The following CCDC60 variants were observed in gnomAD, a reference collection of about 807,000 sequenced individuals.
CCDC60 encodes the protein coiled-coil domain containing 60.
A neutral mutation model predicts 63.5 loss-of-function variants in CCDC60; 54 were observed. The observed-to-expected ratio is 0.85, with a 90% confidence interval of 0.68 to 1.07. CCDC60 has a LOEUF of 1.07. Among genes scored for constraint, CCDC60 ranks in the 50% least tolerant of loss-of-function variants. The pLI is 0.00. For missense variants in CCDC60, 651 were observed against 684.3 expected (o/e 0.95, Z 0.54); for synonymous variants, 206 against 238.8 (o/e 0.86, Z 1.27).
Position 119,343,499 on chromosome 12 carries a change from G to A in CCDC60, c.90+8233G>A, listed in dbSNP as rs181937431. On this transcript the variant is annotated intron_variant, in intron 1 of 13. Coordinates refer to ENST00000327554, the MANE Select transcript of CCDC60 (RefSeq NM_178499.5). ...GTACATGATCAGGGTCATCTTTTGA[G>A]GTATATATTGAGCACCTACCATGTG... Among the ~76,000 whole-genome samples, 131 of 151,968 alleles carry A rather than the reference G, an allele frequency of 8.6e-4. 1 individual carries two copies. The highest frequency in any genetic ancestry group is 3.1e-3 in the African/African-American group (128 of 41,426).
At chr12:119,375,254 A>G (rs1450074950) in intron 1 of CCDC60, among the ~76,000 whole-genome samples, 2 of 152,212 alleles carry the variant, frequency 1.3e-5, no homozygotes, top group Non-Finnish European at 2.9e-5. Flanking sequence ...ATGTTTAACA[A>G]CCAGCTTTCT....
chr12:119,493,570 T>C (rs1252663645), intron 5 of CCDC60, among the ~76,000 whole-genome samples: 9 of 152,294 alleles, frequency 5.9e-5, no homozygotes, highest in African/African-American at 2.2e-4. Flanking sequence ...AATTTCATCA[T>C]GTGGCAATTT....
chr12:119,504,323 G>A (rs1180219444), intron 6 of CCDC60, among the ~76,000 whole-genome samples: 3 of 152,016 alleles, frequency 2.0e-5, no homozygotes, highest in Admixed American at 2.0e-4. Context: ...TCACAGGAAG[G>A]TACACACAGA....
At chr12:119,383,179 C>T (rs888656489) in intron 1 of CCDC60, among the ~76,000 whole-genome samples, 15 of 152,146 alleles carry the variant, frequency 9.9e-5, no homozygotes, top group Admixed American at 5.2e-4. Context: ...GAAGCCAAGG[C>T]GGGAGAATTA....
At chr12:119,503,681 C>A (rs1447766910) in intron 6 of CCDC60, among the ~76,000 whole-genome samples, 1 of 152,174 alleles carries the variant, frequency 6.6e-6, no homozygotes, top group East Asian at 1.9e-4. Context: ...ACCAAGAAAT[C>A]CCTCCCCTCT....
chr12:119,442,216 G>A (rs920580337), intron 2 of CCDC60, among the ~76,000 whole-genome samples: 13 of 152,130 alleles, frequency 8.5e-5, no homozygotes, highest in African/African-American at 2.2e-4. Context: ...AAAAGATTAT[G>A]AGCATCTTTC....
intron 1 of CCDC60, among the ~76,000 whole-genome samples, chr12:119,396,095 G>A (rs894496003): frequency 4.0e-5 from 6 of 151,792 alleles, no homozygotes; most frequent in African/African-American, 1.2e-4. Flanking sequence ...CCACCACCTC[G>A]CCTGGCTAAT....
rs1952579305 is a variant in CCDC60 at position 119,523,286 on chromosome 12, G to A, written c.1103+285G>A. Reference sequence around the variant, plus strand: ...CAAAACCAATCCTATGAGGCAGGAGGACTAACCCATCTTACAAAGGAGCAG... The same window carrying A: ...CAAAACCAATCCTATGAGGCAGGAGAACTAACCCATCTTACAAAGGAGCAG... On this transcript the variant is annotated intron_variant, in intron 10 of 13. Transcript: ENST00000327554. 2.0e-5 allele frequency among the ~76,000 whole-genome samples: 3 copies of A among 152,182 alleles called. No individual in the cohort carries two copies. The South Asian group carries it at 6.2e-4, about 32-fold the overall frequency.
intron 1 of CCDC60, among the ~76,000 whole-genome samples, chr12:119,380,505 C>A (rs1955997270): frequency 6.6e-6 from 1 of 152,202 alleles, no homozygotes; most frequent in Non-Finnish European, 1.5e-5. Context: ...GATTTTAGGT[C>A]TTCTCTTACC....
At chr12:119,365,054 G>T (rs1030576065) in intron 1 of CCDC60, among the ~76,000 whole-genome samples, 2 of 152,188 alleles carry the variant, frequency 1.3e-5, no homozygotes, top group South Asian at 2.1e-4. Flanking sequence ...TAAAAATATT[G>T]TTCCATTTAA....
intron 6 of CCDC60, among the ~76,000 whole-genome samples, chr12:119,501,472 T>C (rs948385348): frequency 6.6e-6 from 1 of 152,228 alleles, no homozygotes; most frequent in African/African-American, 2.4e-5. Context: ...TTATTAAACA[T>C]AGTTTATTAA....
At chr12:119,396,077 A>C (rs1398719307) in intron 1 of CCDC60, among the ~76,000 whole-genome samples, 1 of 151,866 alleles carries the variant, frequency 6.6e-6, no homozygotes, top group African/African-American at 2.4e-5. Flanking sequence ...AGCTGGGATT[A>C]CAGGCGCCCA....
intron 2 of CCDC60, among the ~76,000 whole-genome samples, chr12:119,433,106 T>C (rs80247782): frequency 6.6e-6 from 1 of 152,144 alleles, no homozygotes; most frequent in Non-Finnish European, 1.5e-5. Flanking sequence ...GTGACAATAT[T>C]TGCACCGTGG....
At chr12:119,430,135 A>C (rs1950198176) in intron 2 of CCDC60, among the ~76,000 whole-genome samples, 2 of 151,946 alleles carry the variant, frequency 1.3e-5, no homozygotes, top group South Asian at 4.2e-4. Flanking sequence ...TCAAGTGCCC[A>C]GTAATTGTCA....
intron 2 of CCDC60, among the ~76,000 whole-genome samples, chr12:119,459,612 C>G (rs1475137638): frequency 6.6e-6 from 1 of 152,200 alleles, no homozygotes; most frequent in African/African-American, 2.4e-5. Flanking sequence ...GATAACAACT[C>G]TATTGTAAAA....
intron 1 of CCDC60, among the ~76,000 whole-genome samples, chr12:119,404,708 G>T (rs944759320): frequency 6.6e-6 from 1 of 152,202 alleles, no homozygotes; most frequent in African/African-American, 2.4e-5. Flanking sequence ...AGGTTAGGCA[G>T]ATAGGGCACT....
intron 5 of CCDC60, among the ~76,000 whole-genome samples, chr12:119,493,054 T>C (rs1951626013): frequency 6.6e-6 from 1 of 152,130 alleles, no homozygotes; most frequent in African/African-American, 2.4e-5. Context: ...GTTGCAAAGA[T>C]AAACAACCCA....
intron 1 of CCDC60, among the ~76,000 whole-genome samples, chr12:119,344,696 C>G (rs1362474762): frequency 1.3e-5 from 2 of 152,200 alleles, no homozygotes; most frequent in Non-Finnish European, 2.9e-5. Flanking sequence ...GTTTAAAAGT[C>G]TCTGCATGAT....
At position 119,509,761 on chromosome 12, in the gene CCDC60, A is replaced by C. The variant is rs141401565; in HGVS notation, c.883+4458A>C. ...ATTAATTCATTTAATCCTCACAAGA[A>C]CTTCTTCATGCCTATTCTGCTGATG... On this transcript the variant is annotated intron_variant, in intron 7 of 13. Transcript: ENST00000327554. Among the ~76,000 whole-genome samples the C allele has an allele frequency of 4.5e-3, 686 of 152,218 alleles. 2 individuals carry two copies. The highest frequency in any genetic ancestry group is 0.02 in the Middle Eastern group (6 of 294).
Sources: allele counts gnomAD v4.1 joint callset (sites outside exome capture counted in the v4.1 genomes callset), GRCh38; gene constraint gnomAD v4.1.1; transcripts MANE v1.5; gene names NCBI Gene and HGNC (gene_info 2026-07-23, HGNC 2026-07-21).